Variants in HMCN1 observed in about 807,000 individuals in gnomAD.
HMCN1 encodes hemicentin-1.
HMCN1 carries 321 observed loss-of-function variants against 625.9 expected under a neutral mutation model. That is an observed-to-expected ratio of 0.51 (90% CI 0.47 to 0.56). The LOEUF (loss-of-function observed/expected upper bound fraction) is 0.56. HMCN1 is among the 20% of genes least tolerant of loss of function. The pLI is 0.00. For missense variants in HMCN1, 6,588 were observed against 6,887.3 expected (o/e 0.96, Z 1.54); for synonymous variants, 2,425 against 2,417.6 (o/e 1.00, Z -0.09).
chr1:186,126,529 A>G (rs897765408), intron 82 of HMCN1, among the ~76,000 whole-genome samples: 1 of 152,158 alleles, frequency 6.6e-6, no homozygotes, highest in Non-Finnish European at 1.5e-5. Context: ...TTACAGTTGT[A>G]AATAGGGTAG....
At chr1:186,143,967 T>G (rs1022537726) in intron 89 of HMCN1, among the ~76,000 whole-genome samples, 8 of 152,242 alleles carry the variant, frequency 5.3e-5, no homozygotes, top group African/African-American at 1.9e-4. Context: ...CAGGTAAGCC[T>G]TCTGAATTTC....
At chr1:185,989,772 ATTTTT>A (rs1156913510) in intron 21 of HMCN1, 125 bp downstream of exon 21, 1,022 of 535,480 alleles carry the variant, frequency 1.9e-3, no homozygotes, top group Middle Eastern at 3.6e-3. Context: ...CCAGATTTCT[ATTTTT>A]TTTTTTTTTT....
chr1:185,880,110 G>A (rs1489181866), intron 4 of HMCN1, among the ~76,000 whole-genome samples: 1 of 152,126 alleles, frequency 6.6e-6, no homozygotes, highest in Non-Finnish European at 1.5e-5. Context: ...AAATAGAGTT[G>A]TTGGAGATGA....
At chr1:185,877,540 A>T (rs1355896418) in intron 4 of HMCN1, among the ~76,000 whole-genome samples, 1 of 151,516 alleles carries the variant, frequency 6.6e-6, no homozygotes, top group African/African-American at 2.4e-5. Flanking sequence ...TTGAATCTGC[A>T]TATTGCTCTG....
chr1:185,947,870 G>A lies in HMCN1; in HGVS notation c.1828+14046G>A, dbSNP rs191857479. Among the ~76,000 whole-genome samples, 144 of 152,352 alleles carry A rather than the reference G, an allele frequency of 9.5e-4. 3 individuals are homozygous for A. Among genetic ancestry groups the A allele is most frequent in the African/African-American group, 3.2e-3 (135 of 41,578 alleles). ...ATTTGTCCATTGTAAATCATTCTTA[G>A]TGAGATTTTGTATTTTTCATTGTGC... On this transcript the variant is annotated intron_variant, in intron 11 of 106. Transcript: ENST00000271588.
chr1:185,798,344 T>C (rs993109836), intron 1 of HMCN1, among the ~76,000 whole-genome samples: 30 of 152,226 alleles, frequency 2.0e-4, no homozygotes, highest in Non-Finnish European at 3.2e-4. Flanking sequence ...CTGATGATTG[T>C]ATGTCTTGCT....
At chr1:185,950,180 A>C (rs1571604479) in intron 11 of HMCN1, among the ~76,000 whole-genome samples, 1 of 151,374 alleles carries the variant, frequency 6.6e-6, no homozygotes, top group Admixed American at 6.6e-5. Flanking sequence ...GCCGGATTGA[A>C]GTCTGGGCCA....
At chr1:186,012,968 A>AT in intron 30 of HMCN1, among the ~76,000 whole-genome samples, 1 of 152,094 alleles carries the variant, frequency 6.6e-6, no homozygotes, top group East Asian at 1.9e-4. Context: ...ATATTTCACC[A>AT]TTTTTTTCTT....
chr1:185,902,829 G>C (rs1454010509), intron 4 of HMCN1, among the ~76,000 whole-genome samples: 1 of 151,562 alleles, frequency 6.6e-6, no homozygotes, highest in Non-Finnish European at 1.5e-5. Flanking sequence ...GTATGCATAT[G>C]AATGTATGTA....
rs144346158 is a variant in HMCN1 at position 186,115,409 on chromosome 1, A to T, written c.11556A>T (p.Ser3852=). 6.1e-3 allele frequency: 9,798 copies of T among 1,612,854 alleles called. 40 individuals are homozygous for T. The highest frequency in any genetic ancestry group is 7.8e-3 in the Non-Finnish European group (9,152 of 1,179,344). Residue 3852 remains serine, a synonymous_variant, in exon 75 of 107, where the codon TCA becomes TCT. Coordinates refer to ENST00000271588, the MANE Select transcript of HMCN1 (RefSeq NM_031935.3). The stretch of plus-strand genomic sequence containing the variant: ...TTAATGTGGATCAAAATCAGAACTC[A>T]TACAGGTAAGGATAATTTAAAACTC... ...HLLNVDQNQN[S]YRLLSSGSLV... is the part of the protein sequence containing the mutation.
At chr1:185,990,784 T>C (rs573899707) in intron 22 of HMCN1, among the ~76,000 whole-genome samples, 36 of 152,274 alleles carry the variant, frequency 2.4e-4, no homozygotes, top group African/African-American at 8.7e-4. Context: ...TAAAATACAA[T>C]AGGCACACTC....
At chr1:185,816,148 C>T (rs1283721845) in intron 1 of HMCN1, among the ~76,000 whole-genome samples, 2 of 140,458 alleles carry the variant, frequency 1.4e-5, no homozygotes, top group Non-Finnish European at 2.9e-5. Context: ...CATGGAATTT[C>T]TCACTCACTA....
chr1:186,172,092 C>A lies in HMCN1; in HGVS notation c.15775C>A (p.Pro5259Thr). ...TGGCTATAAGTGCATTGATCTTTGT[C>A]CAAATGGAATGACCAAGGCAGAAAA... ...RGGYKCIDLCPNGMTKAENGT... is the reference protein window; with the variant it reads ...RGGYKCIDLCTNGMTKAENGT... The change falls in exon 102 of 107, where the codon CCA becomes ACA. Residue 5259 changes from proline to threonine, a missense_variant. Transcript: ENST00000271588. 6.2e-7 allele frequency: 1 copy of A among 1,613,790 alleles called. No homozygotes were observed. Among genetic ancestry groups the A allele is most frequent in the Non-Finnish European group, 8.5e-7 (1 of 1,179,780 alleles).
intron 3 of HMCN1, 110 bp downstream of exon 3, chr1:185,864,738 A>AT: frequency 1.0e-6 from 1 of 953,776 alleles, no homozygotes; most frequent in Non-Finnish European, 1.7e-6. Flanking sequence ...ATAACTATCT[A>AT]TCCACATGTA....
chr1:186,133,667 A>G (rs1165545000), intron 86 of HMCN1, among the ~76,000 whole-genome samples: 1 of 152,182 alleles, frequency 6.6e-6, no homozygotes, highest in Non-Finnish European at 1.5e-5. Flanking sequence ...CTGTTTGCCA[A>G]ACTATATAAT....
intron 69 of HMCN1, 110 bp downstream of exon 69, chr1:186,103,778 T>C: frequency 1.1e-6 from 1 of 894,918 alleles, no homozygotes; most frequent in Non-Finnish European, 1.7e-6. Flanking sequence ...CACAGATCTG[T>C]GTAACTGGAG....
intron 11 of HMCN1, among the ~76,000 whole-genome samples, chr1:185,940,220 A>G (rs1466190770): frequency 6.6e-6 from 1 of 152,210 alleles, no homozygotes; most frequent in African/African-American, 2.4e-5. Flanking sequence ...TTATTTAAAT[A>G]TATTATCTTA....
chr1:186,164,627 A>AT (rs1307468062), intron 97 of HMCN1, among the ~76,000 whole-genome samples: 1 of 152,166 alleles, frequency 6.6e-6, no homozygotes, highest in East Asian at 1.9e-4. Context: ...CACGTGGGGG[A>AT]TTTTGACCCA....
intron 4 of HMCN1, among the ~76,000 whole-genome samples, chr1:185,884,971 C>G (rs767418610): frequency 1.3e-5 from 2 of 151,578 alleles, no homozygotes; most frequent in South Asian, 2.1e-4. Context: ...TAACAGAAGA[C>G]GTATACTCTT....
Sources: allele counts gnomAD v4.1 joint callset (sites outside exome capture counted in the v4.1 genomes callset), GRCh38; gene constraint gnomAD v4.1.1; transcripts MANE v1.5; gene names NCBI Gene and HGNC (gene_info 2026-07-23, HGNC 2026-07-21).